The following FRAS1 variants were observed in gnomAD, a reference collection of about 807,000 sequenced individuals.
FRAS1 encodes Fraser extracellular matrix complex subunit 1, also known as extracellular matrix organizing protein FRAS1.
FRAS1 carries 290 observed loss-of-function variants against 435.2 expected under a neutral mutation model. The observed-to-expected ratio is 0.67, with a 90% CI of 0.61 to 0.73. The LOEUF (loss-of-function observed/expected upper bound fraction) is 0.73, where lower values mean the gene tolerates loss of function less well. Among genes scored for constraint, FRAS1 ranks in the 30% least tolerant of loss-of-function variants. The pLI, the probability that FRAS1 is intolerant of heterozygous loss-of-function variation, is 0.00. For missense variants in FRAS1, 4,860 were observed against 5,001.5 expected (o/e 0.97, Z 0.85); for synonymous variants, 1,800 against 1,851.0 (o/e 0.97, Z 0.71).
chr4:78,233,073 G>A (rs1724584283), intron 2 of FRAS1, among the ~76,000 whole-genome samples: 1 of 152,356 alleles, frequency 6.6e-6, no homozygotes, highest in Middle Eastern at 3.4e-3. Flanking sequence ...GCCAAGTCCA[G>A]CGACTGAGGG....
At chr4:78,400,051 C>T (rs920707374) in intron 29 of FRAS1, among the ~76,000 whole-genome samples, 3 of 152,258 alleles carry the variant, frequency 2.0e-5, no homozygotes, top group Non-Finnish European at 1.5e-5. Context: ...TGGCACCAGA[C>T]ACTTGGGCAT....
chr4:78,146,950 C>A (rs1273945412), intron 2 of FRAS1, among the ~76,000 whole-genome samples: 1 of 152,036 alleles, frequency 6.6e-6, no homozygotes, highest in Non-Finnish European at 1.5e-5. Context: ...CTAATGTTGA[C>A]CCCAGACTTT....
intron 14 of FRAS1, among the ~76,000 whole-genome samples, chr4:78,307,044 G>C (rs940761615): frequency 3.9e-5 from 6 of 152,144 alleles, no homozygotes; most frequent in African/African-American, 1.4e-4. Context: ...TGGGTTTTTG[G>C]TGTGGATGTC....
In FRAS1 at chr4:78,513,382, T is replaced by C. The variant is rs1721100433; in HGVS notation, c.10014-10T>C. Reference sequence around the variant, plus strand: ...CAGCTAAACATTTATTTCTGCCTTTTTCCCCCTAGAATCCACATTTCGGTG... The same window carrying C: ...CAGCTAAACATTTATTTCTGCCTTTCTCCCCCTAGAATCCACATTTCGGTG... On this transcript the variant is annotated splice_polypyrimidine_tract_variant and intron_variant, in intron 64 of 73. Transcript: ENST00000512123. 1 of 1,613,486 alleles carries C rather than the reference T, an allele frequency of 6.2e-7. No homozygotes were observed. The highest frequency in any genetic ancestry group is 8.5e-7 in the Non-Finnish European group (1 of 1,179,622).
rs730882178 is a variant in FRAS1, at chr4:78,438,952, ATTTCTC to A, written c.5419_5424del (p.Phe1807_Ser1808del). The A allele has an allele frequency of 6.2e-7, 1 of 1,612,716 alleles. No individual in the cohort carries two copies. Among genetic ancestry groups the A allele is most frequent in the Non-Finnish European group, 8.5e-7 (1 of 1,179,556 alleles). On this transcript the variant is annotated inframe_deletion, in exon 40 of 74. Coordinates refer to ENST00000512123, the MANE Select transcript of FRAS1 (RefSeq NM_025074.7). ...GGTCATCTGGTTACTGATAGCTTCT[ATTTCTC>A]TGTCTCTGACATGGACCACAACCAT...
At chr4:78,400,342 T>A (rs111896690) in intron 29 of FRAS1, among the ~76,000 whole-genome samples, 130 of 152,330 alleles carry the variant, frequency 8.5e-4, no homozygotes, top group Admixed American at 2.3e-3. Context: ...AGGTTTTGCT[T>A]CAGACATCTT....
intron 2 of FRAS1, among the ~76,000 whole-genome samples, chr4:78,209,087 G>A (rs1205821382): frequency 6.6e-6 from 1 of 152,048 alleles, no homozygotes; most frequent in East Asian, 1.9e-4. Flanking sequence ...CAAGGCTGCA[G>A]TGAGCTGTGG....
At chr4:78,317,714 A>C (rs1474489730) in intron 17 of FRAS1, among the ~76,000 whole-genome samples, 3 of 152,232 alleles carry the variant, frequency 2.0e-5, no homozygotes, top group Non-Finnish European at 4.4e-5. Flanking sequence ...AAGACACTCA[A>C]AGTGTTATGA....
intron 31 of FRAS1, among the ~76,000 whole-genome samples, chr4:78,409,969 G>A (rs1733269003): frequency 6.6e-6 from 1 of 152,222 alleles, no homozygotes; most frequent in African/African-American, 2.4e-5. Flanking sequence ...CCATTAAAAT[G>A]AGATTATCCT....
At chr4:78,401,738 G>C (rs371578586) in intron 30 of FRAS1, among the ~76,000 whole-genome samples, 2 of 149,466 alleles carry the variant, frequency 1.3e-5, no homozygotes, top group South Asian at 2.1e-4. Context: ...AAAAAAAAAA[G>C]CCTGGTGAAA....
rs369569340 is a variant in FRAS1, at chr4:78,099,531, T to A, written c.108+33515T>A. 2.6e-4 allele frequency among the ~76,000 whole-genome samples: 39 copies of A among 152,338 alleles called. 2 individuals are homozygous for A. The highest frequency in any genetic ancestry group is 8.9e-4 in the African/African-American group (37 of 41,580). ...AGATGTGTTTATTGAATATATCTAT[T>A]GAATAAACTCTTATAAACACTTACT... On this transcript the variant is annotated intron_variant, in intron 2 of 73. Transcript: ENST00000512123.
intron 2 of FRAS1, among the ~76,000 whole-genome samples, chr4:78,147,731 T>A (rs1346051598): frequency 6.6e-6 from 1 of 152,156 alleles, no homozygotes; most frequent in Non-Finnish European, 1.5e-5. Context: ...TTGTGTGGAA[T>A]GGGATAATGT....
At chr4:78,191,605 C>A (rs1307402935) in intron 2 of FRAS1, among the ~76,000 whole-genome samples, 1 of 150,380 alleles carries the variant, frequency 6.6e-6, no homozygotes, top group African/African-American at 2.5e-5. Flanking sequence ...GTTTGTTACA[C>A]ATGTATACAT....
intron 25 of FRAS1, among the ~76,000 whole-genome samples, chr4:78,375,308 T>A (rs1731712693): frequency 6.6e-6 from 1 of 152,162 alleles, no homozygotes. Context: ...ACACATGTAA[T>A]CCTCCCAACA....
intron 2 of FRAS1, among the ~76,000 whole-genome samples, chr4:78,224,969 A>G (rs1724209236): frequency 6.6e-6 from 1 of 152,206 alleles, no homozygotes; most frequent in Non-Finnish European, 1.5e-5. Context: ...AGTAGTGGTC[A>G]TATACTGAAA....
chr4:78,059,594 G>A (rs1296187835), intron 1 of FRAS1, among the ~76,000 whole-genome samples: 1 of 151,650 alleles, frequency 6.6e-6, no homozygotes, highest in East Asian at 1.9e-4. Flanking sequence ...CCTGAACTTG[G>A]TACTTAGAAA....
intron 69 of FRAS1, among the ~76,000 whole-genome samples, chr4:78,524,117 G>T (rs190668196): frequency 6.6e-6 from 1 of 152,314 alleles, no homozygotes; most frequent in East Asian, 1.9e-4. Context: ...AGCTTCTGCT[G>T]TAACACAGCT....
chr4:78,105,219 T>TA lies in FRAS1; in HGVS notation c.108+39204dup, dbSNP rs1265881863. ...CTGAAGAGTAAATGTTTAATGGGAA[T>TA]ACTTGCCTTCCACATCTGCTCTGGA... is the stretch of plus-strand genomic sequence containing the variant. On this transcript the variant is annotated intron_variant, in intron 2 of 73. Coordinates refer to ENST00000512123, the MANE Select transcript of FRAS1 (RefSeq NM_025074.7). Among the ~76,000 whole-genome samples the TA allele has an allele frequency of 2.6e-5, 4 of 152,234 alleles. No homozygotes were observed. In the East Asian group the frequency reaches 7.7e-4, roughly 29 times the overall value.
At position 78,057,861 on chromosome 4, in the gene FRAS1, G is replaced by T; in HGVS notation, c.-149G>T. On this transcript the variant is annotated 5_prime_UTR_variant, in exon 1 of 74. Coordinates refer to ENST00000512123, the MANE Select transcript of FRAS1 (RefSeq NM_025074.7). This position sits in a 1 kb window ranked among gnomAD's most constrained non-coding sequence, Gnocchi z 4.2. ...TCCGGGCTGATGAGTGTCGCTCTCC[G>T]CCCGTCCATCTCTTTTTCCCGGAGG... 3 of 666,462 alleles carry T rather than the reference G, an allele frequency of 4.5e-6. 1 individual carries two copies. The highest frequency in any genetic ancestry group is 3.7e-5 in the South Asian group (2 of 54,370). The allele number at this position is 666,462 out of a possible 1,614,324, so 41.3% of individuals were successfully genotyped here.
Sources: gnomAD v4.1 joint callset for allele counts (sites outside exome capture counted in the v4.1 genomes callset) on GRCh38, gnomAD v4.1.1 for gene constraint, Gnocchi (gnomAD v3.1) non-coding constraint, MANE v1.5 for transcripts, NCBI Gene and HGNC (gene_info 2026-07-23, HGNC 2026-07-21) for gene names.